The following SLC25A21 variants were observed in gnomAD, a reference collection of about 807,000 sequenced individuals.
SLC25A21 encodes the protein solute carrier family 25 member 21.
SLC25A21 carries 47 observed loss-of-function variants against 43.8 expected under a neutral mutation model. That is an observed-to-expected ratio of 1.07 (90% CI 0.85 to 1.37). The LOEUF is 1.37. Among genes scored for constraint, SLC25A21 ranks in the 40% most tolerant of loss-of-function variants. SLC25A21 has a pLI of 0.00. For synonymous variants in SLC25A21, 131 were observed against 121.3 expected (o/e 1.08, Z -0.52); for missense variants, 352 against 350.2 (o/e 1.00, Z -0.04).
intron 1 of SLC25A21, among the ~76,000 whole-genome samples, chr14:37,051,866 T>C (rs1961713998): frequency 6.6e-6 from 1 of 152,122 alleles, no homozygotes; most frequent in African/African-American, 2.4e-5. Flanking sequence ...AGGGCCTTCC[T>C]ATTGGTTGAA....
At chr14:37,167,234 G>A (rs570134147) in intron 1 of SLC25A21, among the ~76,000 whole-genome samples, 40 of 152,256 alleles carry the variant, frequency 2.6e-4, no homozygotes, top group African/African-American at 8.2e-4. Flanking sequence ...TTTCACTTGC[G>A]CAATTTGGCT....
chr14:36,838,873 T>A (rs1037178416), intron 2 of SLC25A21, among the ~76,000 whole-genome samples: 3 of 152,234 alleles, frequency 2.0e-5, no homozygotes, highest in Non-Finnish European at 4.4e-5. Context: ...AAGTACATGA[T>A]GCCAGTACAT....
intron 7 of SLC25A21, among the ~76,000 whole-genome samples, chr14:36,697,769 G>T (rs2139164123): frequency 1.1e-5 from 1 of 92,988 alleles, no homozygotes; most frequent in Admixed American, 1.3e-4. Flanking sequence ...TTGCTTGGTA[G>T]ATCTTCCTCC....
chr14:36,681,776 C>G (rs1032790748), intron 9 of SLC25A21, among the ~76,000 whole-genome samples: 9 of 151,908 alleles, frequency 5.9e-5, no homozygotes, highest in Non-Finnish European at 1.3e-4. Flanking sequence ...TTTGTGTAAC[C>G]ATATACCAAA....
At chr14:36,720,784 TG>T (rs1884340730) in intron 6 of SLC25A21, among the ~76,000 whole-genome samples, 1 of 152,232 alleles carries the variant, frequency 6.6e-6, no homozygotes, top group South Asian at 2.1e-4. Context: ...TGCTGCTAAG[TG>T]CTAGTTATTT....
intron 1 of SLC25A21, among the ~76,000 whole-genome samples, chr14:37,171,041 G>A (rs1250771838): frequency 2.7e-5 from 4 of 147,838 alleles, no homozygotes; most frequent in African/African-American, 5.0e-5. Context: ...AGCCGAGATC[G>A]CGCCATGGCA....
In SLC25A21 at chr14:37,053,219, G is replaced by A. The variant is rs191406304; in HGVS notation, c.70+119062C>T. On this transcript the variant is annotated intron_variant, in intron 1 of 9. Coordinates refer to ENST00000331299, the MANE Select transcript of SLC25A21 (RefSeq NM_030631.4). ...TTTAAGATACTAAAGGAAAAGAGATGAGAACCAAGGATTTTGTATAGAGCC... is the reference window on the plus strand; with the variant it reads ...TTTAAGATACTAAAGGAAAAGAGATAAGAACCAAGGATTTTGTATAGAGCC... Among the ~76,000 whole-genome samples the A allele has an allele frequency of 1.5e-3, 236 of 152,288 alleles. 1 individual carries two copies. Among genetic ancestry groups the A allele is most frequent in the African/African-American group, 5.4e-3 (225 of 41,570 alleles).
intron 3 of SLC25A21, among the ~76,000 whole-genome samples, chr14:36,802,269 C>T (rs898416187): frequency 6.6e-6 from 1 of 152,028 alleles, no homozygotes; most frequent in Non-Finnish European, 1.5e-5. Flanking sequence ...TCAGCAAACA[C>T]AAATTGGGTG....
chr14:37,136,661 T>C (rs1042261130), intron 1 of SLC25A21, among the ~76,000 whole-genome samples: 3 of 152,120 alleles, frequency 2.0e-5, no homozygotes, highest in Admixed American at 6.5e-5. Flanking sequence ...AAGATGTCCT[T>C]AAATAGTTGA....
At chr14:36,823,221 C>T (rs1888699053) in intron 2 of SLC25A21, among the ~76,000 whole-genome samples, 1 of 152,034 alleles carries the variant, frequency 6.6e-6, no homozygotes, top group Non-Finnish European at 1.5e-5. Context: ...GAGATTACAA[C>T]CTAAATCTAA....
chr14:37,116,295 T>C (rs1467748402), intron 1 of SLC25A21, among the ~76,000 whole-genome samples: 1 of 152,156 alleles, frequency 6.6e-6, no homozygotes, highest in East Asian at 1.9e-4. Flanking sequence ...TAGATAATCT[T>C]TCACTGGCCT....
intron 3 of SLC25A21, among the ~76,000 whole-genome samples, chr14:36,791,475 C>A (rs542852157): frequency 4.6e-5 from 7 of 152,218 alleles, no homozygotes; most frequent in African/African-American, 1.7e-4. Context: ...CTTAGCCCCA[C>A]CAGCAGCCAT....
intron 1 of SLC25A21, among the ~76,000 whole-genome samples, chr14:37,115,971 T>A (rs544249652): frequency 6.6e-6 from 1 of 152,234 alleles, no homozygotes; most frequent in South Asian, 2.1e-4. Flanking sequence ...ATACATTAAA[T>A]AAAAATACAT....
At chr14:36,764,531 C>T (rs1157237398) in intron 3 of SLC25A21, among the ~76,000 whole-genome samples, 1 of 95,246 alleles carries the variant, frequency 1.0e-5, no homozygotes, top group Non-Finnish European at 2.1e-5. Context: ...CTCACCCACA[C>T]TCCAAAAAAA....
At chr14:37,058,074 TAC>T in intron 1 of SLC25A21, among the ~76,000 whole-genome samples, 1 of 152,332 alleles carries the variant, frequency 6.6e-6, no homozygotes, top group Non-Finnish European at 1.5e-5. Context: ...ACAGTAAAAC[TAC>T]AGTCTATTGA....
chr14:36,919,031 T>C (rs1244364323), intron 1 of SLC25A21, among the ~76,000 whole-genome samples: 1 of 151,704 alleles, frequency 6.6e-6, no homozygotes, highest in African/African-American at 2.4e-5. Context: ...AGATCAAAAC[T>C]GAGATTTCAT....
intron 3 of SLC25A21, among the ~76,000 whole-genome samples, chr14:36,798,855 A>G (rs1325528): frequency 0.17 from 26,197 of 151,812 alleles, 2,724 homozygotes; most frequent in East Asian, 0.3. Context: ...GTTCATTTTA[A>G]TTTTCTGTCT....
intron 3 of SLC25A21, among the ~76,000 whole-genome samples, chr14:36,791,658 C>T (rs760284545): frequency 7.9e-5 from 12 of 152,000 alleles, no homozygotes; most frequent in Non-Finnish European, 7.4e-5. Context: ...TCTTTTTATA[C>T]AATGAAAGTT....
In SLC25A21 at chr14:36,981,045, T is replaced by G. The variant is rs199761939; in HGVS notation, c.71-106041A>C. Among the ~76,000 whole-genome samples the G allele has an allele frequency of 0.011, 1,691 of 150,014 alleles. 70 individuals carry two copies. The East Asian group carries it at 0.16, about 14-fold the overall frequency. ...GGCAAAGTATATGAACAGACACTTCTCAAAAGAAGACATTTAGGCAGCCAA... is the reference window on the plus strand; with the variant it reads ...GGCAAAGTATATGAACAGACACTTCGCAAAAGAAGACATTTAGGCAGCCAA... On this transcript the variant is annotated intron_variant, in intron 1 of 9. Transcript: ENST00000331299.
Sources: allele counts gnomAD v4.1 joint callset (sites outside exome capture counted in the v4.1 genomes callset), GRCh38; gene constraint gnomAD v4.1.1; transcripts MANE v1.5; gene names NCBI Gene and HGNC (gene_info 2026-07-23, HGNC 2026-07-21).